Variants in WDR41 observed in about 807,000 individuals in gnomAD.
WDR41 encodes the protein WD repeat domain 41.
In WDR41, 63 loss-of-function variants were observed where a neutral mutation model predicts 69.3. The observed-to-expected ratio is 0.91, with a 90% CI of 0.74 to 1.12. The LOEUF (loss-of-function observed/expected upper bound fraction) is 1.12. Ranked by LOEUF, WDR41 falls within the 50% of genes most tolerant of loss-of-function variation. The pLI is 0.00. For synonymous variants in WDR41, 185 were observed against 192.1 expected (o/e 0.96, Z 0.31); for missense variants, 543 against 534.5 (o/e 1.02, Z -0.16).
intron 1 of WDR41, among the ~76,000 whole-genome samples, chr5:77,594,334 C>T (rs1456805032): frequency 6.6e-6 from 1 of 151,490 alleles, no homozygotes. Context: ...TTAATGGGTG[C>T]AGCACACCAA....
At chr5:77,452,546 C>T (rs1008869986) in intron 6 of WDR41, 2 of 152,108 alleles carry the variant, frequency 1.3e-5, no homozygotes, top group African/African-American at 4.8e-5. Context: ...GTAAAAGCTC[C>T]ACCAGTCCAT....
upstream of WDR41, chr5:77,492,425 G>A (rs1041805323): frequency 3.4e-6 from 2 of 587,770 alleles, no homozygotes; most frequent in Non-Finnish European, 5.5e-6. Context: ...AGCCACGGAG[G>A]CTTAGTTTGG....
intron 1 of WDR41, among the ~76,000 whole-genome samples, chr5:77,592,673 A>T (rs541958082): frequency 1.1e-4 from 17 of 152,284 alleles, no homozygotes; most frequent in Non-Finnish European, 2.1e-4. Context: ...GGAAACCAGG[A>T]TTCCTCTTTC....
At chr5:77,616,853 A>G (rs1432005476) in intron 1 of WDR41, among the ~76,000 whole-genome samples, 1 of 152,200 alleles carries the variant, frequency 6.6e-6, no homozygotes, top group African/African-American at 2.4e-5. Context: ...CACCCCTCTC[A>G]TTCTATTCCC....
chr5:77,555,734 A>G (rs1743378156), intron 1 of WDR41, among the ~76,000 whole-genome samples: 1 of 152,254 alleles, frequency 6.6e-6, no homozygotes, highest in Admixed American at 6.5e-5. Context: ...ATTGAAAGAG[A>G]TAAAAAGACT....
At chr5:77,575,337 T>C (rs1281265028) in intron 1 of WDR41, among the ~76,000 whole-genome samples, 1 of 152,174 alleles carries the variant, frequency 6.6e-6, no homozygotes, top group African/African-American at 2.4e-5. Flanking sequence ...ATACAGTATA[T>C]TTGAATGTAG....
Position 77,440,825 on chromosome 5 carries a change from T to C in WDR41, c.870A>G (p.Thr290=), listed in dbSNP as rs1420134365. ...KSNDISIHHF[T]CDEENVFAAV... Reference sequence around the variant, plus strand: ...ATACATTTTTTACCTCTTCATCACATGTGAAATGATGAATAGAAATGTCAT... The same window carrying C: ...ATACATTTTTTACCTCTTCATCACACGTGAAATGATGAATAGAAATGTCAT... The change falls in exon 9 of 13, where the codon ACA becomes ACG. Residue 290 remains threonine, a synonymous_variant. Coordinates refer to ENST00000296679, the MANE Select transcript of WDR41 (RefSeq NM_018268.4). The C allele has an allele frequency of 1.2e-6, 2 of 1,614,152 alleles. No individual in the cohort carries two copies. Among genetic ancestry groups the C allele is most frequent in the South Asian group, 1.1e-5 (1 of 91,082 alleles).
intron 1 of WDR41, among the ~76,000 whole-genome samples, chr5:77,520,650 C>T (rs1490616432): frequency 6.6e-6 from 1 of 152,134 alleles, no homozygotes; most frequent in African/African-American, 2.4e-5. Flanking sequence ...GCTGCTCATC[C>T]ACCCTGAAAA....
chr5:77,566,710 A>G (rs1367993449), intron 1 of WDR41, among the ~76,000 whole-genome samples: 1 of 152,130 alleles, frequency 6.6e-6, no homozygotes, highest in African/African-American at 2.4e-5. Context: ...GGACATCAAA[A>G]TTTGTTTATG....
intron 1 of WDR41, among the ~76,000 whole-genome samples, chr5:77,610,218 G>A (rs1427880866): frequency 6.6e-6 from 1 of 152,214 alleles, no homozygotes; most frequent in Non-Finnish European, 1.5e-5. Context: ...ATGGAACCAA[G>A]TTGGAAAACA....
chr5:77,563,597 C>T (rs997905353), intron 1 of WDR41, among the ~76,000 whole-genome samples: 1 of 152,140 alleles, frequency 6.6e-6, no homozygotes, highest in African/African-American at 2.4e-5. Context: ...TTCACCAACT[C>T]ATTACTGAGT....
chr5:77,549,338 T>TTA (rs752653331), intron 1 of WDR41, among the ~76,000 whole-genome samples: 20 of 152,048 alleles, frequency 1.3e-4, no homozygotes, highest in Non-Finnish European at 1.8e-4. Context: ...GATGATATGA[T>TTA]TATATACCTA....
At chr5:77,552,402 A>C (rs1743316117) in intron 1 of WDR41, among the ~76,000 whole-genome samples, 1 of 152,204 alleles carries the variant, frequency 6.6e-6, no homozygotes, top group African/African-American at 2.4e-5. Flanking sequence ...ACTTAAATAA[A>C]TGAAGAGATA....
chr5:77,505,035 C>T (rs923731768), intron 1 of WDR41, among the ~76,000 whole-genome samples: 8 of 152,024 alleles, frequency 5.3e-5, no homozygotes, highest in African/African-American at 1.7e-4. Flanking sequence ...GGCAATCAGG[C>T]AAGAGAAAGA....
At chr5:77,581,647 T>A (rs755528313) in intron 1 of WDR41, among the ~76,000 whole-genome samples, 20 of 152,150 alleles carry the variant, frequency 1.3e-4, no homozygotes, top group Non-Finnish European at 1.5e-4. Flanking sequence ...AATAATACAG[T>A]GTATGTTCTC....
chr5:77,459,203 A>T, intron 4 of WDR41, 79 bp from the exon 5 acceptor site: 1 of 1,039,336 alleles, frequency 9.6e-7, no homozygotes, highest in Non-Finnish European at 1.4e-6. Flanking sequence ...CAATTAAGCC[A>T]CAAATGTTAA....
At chr5:77,546,131 C>A in intron 1 of WDR41, 1 of 499,278 alleles carries the variant, frequency 2.0e-6, no homozygotes, top group Non-Finnish European at 3.5e-6. Flanking sequence ...AGACCTACAG[C>A]TACTTGACCT....
At chr5:77,619,971 A>G (rs1344574571) in intron 1 of WDR41, among the ~76,000 whole-genome samples, 1 of 152,126 alleles carries the variant, frequency 6.6e-6, no homozygotes, top group Non-Finnish European at 1.5e-5. Context: ...GGAAATTACT[A>G]CTGGTACTTT....
At chr5:77,517,897 T>C (rs115776052) in intron 1 of WDR41, among the ~76,000 whole-genome samples, 1,798 of 152,276 alleles carry the variant, frequency 0.012, 21 homozygotes, top group Middle Eastern at 0.061. Context: ...GCAGCTCTTA[T>C]ATATTTTCAT....
Sources: allele counts gnomAD v4.1 joint callset (sites outside exome capture counted in the v4.1 genomes callset), GRCh38; gene constraint gnomAD v4.1.1; transcripts MANE v1.5; gene names NCBI Gene and HGNC (gene_info 2026-07-23, HGNC 2026-07-21).